The following TRAPPC9 variants were observed in gnomAD, a reference collection of about 807,000 sequenced individuals.
TRAPPC9 encodes IKK2 binding protein.
In TRAPPC9, 83 loss-of-function variants were observed where a neutral mutation model predicts 124.0. The observed-to-expected ratio is 0.67, with a 90% CI of 0.56 to 0.80. The LOEUF is 0.80. TRAPPC9 is among the 30% of genes least tolerant of loss of function. The probability of loss-of-function intolerance (pLI) is 0.00; values close to 1 mark genes in which losing one functional copy is unlikely to be tolerated. For missense variants in TRAPPC9, 1,302 were observed against 1,508.3 expected, an observed-to-expected ratio of 0.86 and a Z score of 2.27; for synonymous variants, 638 against 617.5, an observed-to-expected ratio of 1.03 and a Z score of -0.49.
At chr8:139,873,922 C>T (rs1829158032) in intron 21 of TRAPPC9, among the ~76,000 whole-genome samples, 1 of 152,228 alleles carries the variant, frequency 6.6e-6, no homozygotes, top group Non-Finnish European at 1.5e-5. Context: ...GGGGTTAGTA[C>T]CTCCCTCTCC....
chr8:140,105,778 T>TG (rs1034841905), intron 17 of TRAPPC9, among the ~76,000 whole-genome samples: 2 of 151,920 alleles, frequency 1.3e-5, no homozygotes, highest in Admixed American at 6.6e-5. Context: ...ACTCACCCTG[T>TG]GGGGGGAGGC....
At chr8:140,215,536 C>T (rs1391368307) in intron 17 of TRAPPC9, among the ~76,000 whole-genome samples, 1 of 151,550 alleles carries the variant, frequency 6.6e-6, no homozygotes, top group East Asian at 1.9e-4. Flanking sequence ...GTCCCAGCTA[C>T]TTGGGAGGCT....
chr8:139,904,837 T>A (rs1276318357), intron 20 of TRAPPC9: 1 of 152,270 alleles, frequency 6.6e-6, no homozygotes, highest in Non-Finnish European at 1.5e-5. Flanking sequence ...CAGTCTCCCC[T>A]TCTGGATGCT....
At chr8:139,921,637 T>A (rs959073690) in intron 19 of TRAPPC9, among the ~76,000 whole-genome samples, 1 of 149,408 alleles carries the variant, frequency 6.7e-6, no homozygotes, top group African/African-American at 2.5e-5. Context: ...AGAAGGACCA[T>A]CCCAGATAGA....
At chr8:139,922,813 A>G (rs1832593990) in intron 19 of TRAPPC9, among the ~76,000 whole-genome samples, 1 of 152,228 alleles carries the variant, frequency 6.6e-6, no homozygotes, top group South Asian at 2.1e-4. Context: ...TGGACACTAG[A>G]CAGAGCTGGG....
intron 21 of TRAPPC9, among the ~76,000 whole-genome samples, chr8:139,783,222 G>GA (rs1193421356): frequency 8.6e-5 from 13 of 151,618 alleles, no homozygotes; most frequent in South Asian, 6.2e-4. Flanking sequence ...AAAATCAATA[G>GA]AAAAAAAATC....
chr8:139,883,914 T>C (rs1587090246), intron 21 of TRAPPC9, among the ~76,000 whole-genome samples: 1 of 152,182 alleles, frequency 6.6e-6, no homozygotes, highest in Non-Finnish European at 1.5e-5. Flanking sequence ...CTCACGGGAC[T>C]GTGGTGAGGA....
intron 9 of TRAPPC9, 128 bp from the exon 10 acceptor site, chr8:140,311,502 T>A: frequency 8.9e-7 from 1 of 1,120,524 alleles, no homozygotes; most frequent in South Asian, 1.3e-5. Context: ...GAAGGGGCAG[T>A]GAGCAAAAGA....
rs988507598 is a variant in TRAPPC9 at position 139,742,393 on chromosome 8, G to A, written c.3056-10191C>T. 2.0e-4 allele frequency among the ~76,000 whole-genome samples: 30 copies of A among 152,334 alleles called. No homozygotes were observed. Among genetic ancestry groups the A allele is most frequent in the African/African-American group, 7.2e-4 (30 of 41,580 alleles). On this transcript the variant is annotated intron_variant, in intron 21 of 22. Coordinates refer to ENST00000438773, the MANE Select transcript of TRAPPC9 (RefSeq NM_001160372.4). This position sits in a 1 kb window ranked among gnomAD's most constrained non-coding sequence, Gnocchi z 4.7. ...TTTGCTTGCAACGTCCATAAGCCAT[G>A]AGAACCCTCCAGAACTCCAAGCCCT...
chr8:140,141,728 A>G (rs542962215), intron 17 of TRAPPC9, among the ~76,000 whole-genome samples: 21 of 152,312 alleles, frequency 1.4e-4, no homozygotes, highest in African/African-American at 5.1e-4. Context: ...GGAACAACAG[A>G]TCTTAAGGGA....
At chr8:140,075,336 TG>T (rs1843442327) in intron 17 of TRAPPC9, among the ~76,000 whole-genome samples, 1 of 152,232 alleles carries the variant, frequency 6.6e-6, no homozygotes, top group South Asian at 2.1e-4. Flanking sequence ...CTTGACTAGT[TG>T]GGGCCAACTT....
intron 17 of TRAPPC9, among the ~76,000 whole-genome samples, chr8:140,217,585 T>C (rs993858414): frequency 1.2e-4 from 17 of 141,300 alleles, no homozygotes; most frequent in African/African-American, 3.9e-4. Context: ...CCTACAGCTG[T>C]GTCAAAACAG....
intron 7 of TRAPPC9, among the ~76,000 whole-genome samples, chr8:140,378,262 C>A (rs1390457455): frequency 6.6e-6 from 1 of 151,898 alleles, no homozygotes. Context: ...AAGTATTGAT[C>A]CTGGGTGTGT....
At chr8:139,765,035 C>A (rs1420045688) in intron 21 of TRAPPC9, among the ~76,000 whole-genome samples, 1 of 152,206 alleles carries the variant, frequency 6.6e-6, no homozygotes, top group African/African-American at 2.4e-5. Context: ...AAAGGAGACA[C>A]TCCGTCACCT....
intron 17 of TRAPPC9, among the ~76,000 whole-genome samples, chr8:140,118,516 C>T (rs2060930066): frequency 6.6e-6 from 1 of 152,188 alleles, no homozygotes; most frequent in Admixed American, 6.5e-5. Context: ...CATCTGTGCA[C>T]AGGAAAGGCC....
chr8:139,911,954 A>G (rs930547947), intron 19 of TRAPPC9, among the ~76,000 whole-genome samples: 3 of 152,152 alleles, frequency 2.0e-5, no homozygotes, highest in African/African-American at 4.8e-5. Flanking sequence ...CTGAGGCATG[A>G]CATGCGGGGC....
intron 21 of TRAPPC9, among the ~76,000 whole-genome samples, chr8:139,772,021 G>A (rs1354374424): frequency 6.6e-6 from 1 of 152,200 alleles, no homozygotes; most frequent in Admixed American, 6.5e-5. Context: ...TAATTATGCT[G>A]CGGCCTGGTG....
Position 140,239,179 on chromosome 8 carries a change from C to T in TRAPPC9, c.2431+13598G>A, listed in dbSNP as rs562725812. 7.9e-5 allele frequency among the ~76,000 whole-genome samples: 12 copies of T among 152,280 alleles called. No individual in the cohort carries two copies. In the South Asian group the frequency reaches 1.2e-3, roughly 16 times the overall value. ...CAGTGTGAGGGCACGGAGGGAAGCC[C>T]CACGCCAGCCTCCACCCAGACGCAC... On this transcript the variant is annotated intron_variant, in intron 16 of 22. Transcript: ENST00000438773.
In TRAPPC9 at chr8:140,011,305, G is replaced by C. The variant is rs759185711; in HGVS notation, c.2699+12632C>G. ...TGCAGTGAGCCAAGATTGTACCACT[G>C]CACTCCAGCCTGGGCAACAGAGCAA... On this transcript the variant is annotated intron_variant, in intron 18 of 22. Transcript: ENST00000438773. Among the ~76,000 whole-genome samples, 11 of 151,700 alleles carry C rather than the reference G, an allele frequency of 7.3e-5. 1 individual carries two copies. The highest frequency in any genetic ancestry group is 1.5e-5 in the Non-Finnish European group (1 of 67,954).
Sources: allele counts gnomAD v4.1 joint callset (sites outside exome capture counted in the v4.1 genomes callset), GRCh38; gene constraint gnomAD v4.1.1; non-coding constraint Gnocchi (gnomAD v3.1); transcripts MANE v1.5; gene names NCBI Gene and HGNC (gene_info 2026-07-23, HGNC 2026-07-21).